SH3RF3: variants seen among roughly 807,000 people sequenced by gnomAD.
SH3RF3 encodes E3 ubiquitin-protein ligase SH3RF3.
Under a neutral mutation model 66.3 loss-of-function variants are expected in SH3RF3, and 29 were observed. The observed-to-expected ratio is 0.44, with a 90% CI of 0.33 to 0.60. The LOEUF is 0.60. SH3RF3 is among the 20% of genes least tolerant of loss of function. The pLI, the probability that SH3RF3 is intolerant of heterozygous loss-of-function variation, is 0.04. For synonymous variants in SH3RF3, 583 were observed against 532.0 expected (o/e 1.10, Z -1.32); for missense variants, 1,194 against 1,190.9 (o/e 1.00, Z -0.04).
intron 7 of SH3RF3, among the ~76,000 whole-genome samples, chr2:109,442,846 C>T (rs1268897996): frequency 6.6e-6 from 1 of 152,110 alleles, no homozygotes; most frequent in East Asian, 1.9e-4. Flanking sequence ...AGGTTTAAAC[C>T]TAATCATGTA....
intron 1 of SH3RF3, among the ~76,000 whole-genome samples, chr2:109,306,902 G>A (rs1377371294): frequency 1.3e-5 from 2 of 152,214 alleles, no homozygotes; most frequent in Admixed American, 1.3e-4. Flanking sequence ...GTACGGTAGG[G>A]CCGCGGCATG....
chr2:109,263,360 A>G (rs1470367224), intron 1 of SH3RF3, among the ~76,000 whole-genome samples: 2 of 152,142 alleles, frequency 1.3e-5, no homozygotes, highest in African/African-American at 2.4e-5. Flanking sequence ...CAGTTTTTGT[A>G]TATCTGGAAT....
chr2:109,430,674 C>T (rs1390769600), intron 5 of SH3RF3, among the ~76,000 whole-genome samples: 4 of 152,152 alleles, frequency 2.6e-5, no homozygotes, highest in African/African-American at 9.6e-5. Context: ...GTGGTATTTC[C>T]TCTATGGTGA....
intron 1 of SH3RF3, among the ~76,000 whole-genome samples, chr2:109,154,385 C>T (rs1314245684): frequency 6.6e-6 from 1 of 152,174 alleles, no homozygotes; most frequent in Non-Finnish European, 1.5e-5. Context: ...TACAGATACA[C>T]AGAAGGCCCC....
chr2:109,259,277 C>T lies in SH3RF3; in HGVS notation c.574-88397C>T, dbSNP rs574093865. Among the ~76,000 whole-genome samples the T allele has an allele frequency of 1.7e-4, 26 of 152,300 alleles. No homozygotes were observed. In the South Asian group the frequency reaches 5.4e-3, roughly 32 times the overall value. ...CCCAGACCTGCAGCTGCTGCTGGCTCCTGAACAACTGGCTCTGAGTGTGCA... is the reference window on the plus strand; with the variant it reads ...CCCAGACCTGCAGCTGCTGCTGGCTTCTGAACAACTGGCTCTGAGTGTGCA... On this transcript the variant is annotated intron_variant, in intron 1 of 9. Transcript: ENST00000309415.
At chr2:109,371,819 C>A in intron 3 of SH3RF3, 138 bp downstream of exon 3, 1 of 739,010 alleles carries the variant, frequency 1.4e-6, no homozygotes. Flanking sequence ...CAGAGAGCTG[C>A]TATGTGTGGG....
intron 1 of SH3RF3, among the ~76,000 whole-genome samples, chr2:109,265,279 C>G (rs565254068): frequency 1.3e-5 from 2 of 152,100 alleles, no homozygotes; most frequent in Non-Finnish European, 2.9e-5. Context: ...GAGGGCAGCT[C>G]GTGGGCTGTG....
chr2:109,226,417 A>G (rs1679374839), intron 1 of SH3RF3, among the ~76,000 whole-genome samples: 1 of 152,172 alleles, frequency 6.6e-6, no homozygotes, highest in Admixed American at 6.5e-5. Context: ...GAGCCATGTG[A>G]GGTCTAATGA....
chr2:109,485,434 A>G lies in SH3RF3; in HGVS notation c.2149-5171A>G, dbSNP rs572952583. 3.3e-5 allele frequency among the ~76,000 whole-genome samples: 5 copies of G among 152,292 alleles called. No homozygotes were observed. In the South Asian group the frequency reaches 1.0e-3, roughly 32 times the overall value. On this transcript the variant is annotated intron_variant, in intron 8 of 9. Coordinates refer to ENST00000309415, the MANE Select transcript of SH3RF3 (RefSeq NM_001099289.3). Reference sequence around the variant, plus strand: ...CAGAGACAATTTTCCATAACTTTTAATTGACCTTTAACTGGCACTGAATCT... The same window carrying G: ...CAGAGACAATTTTCCATAACTTTTAGTTGACCTTTAACTGGCACTGAATCT...
chr2:109,464,767 C>T (rs1262274232), intron 8 of SH3RF3, among the ~76,000 whole-genome samples: 1 of 152,186 alleles, frequency 6.6e-6, no homozygotes, highest in Non-Finnish European at 1.5e-5. Flanking sequence ...TATCAATGGC[C>T]TACACCAAAG....
chr2:109,403,131 A>C (rs998174203), intron 4 of SH3RF3, among the ~76,000 whole-genome samples: 1 of 152,182 alleles, frequency 6.6e-6, no homozygotes, highest in African/African-American at 2.4e-5. Flanking sequence ...TGTGGTTTCT[A>C]TAGAAATGCG....
At chr2:109,460,154 G>A (rs1274152539) in intron 8 of SH3RF3, among the ~76,000 whole-genome samples, 1 of 152,244 alleles carries the variant, frequency 6.6e-6, no homozygotes, top group East Asian at 1.9e-4. Context: ...TCAGTCAGAA[G>A]CAGTGCTGTG....
intron 4 of SH3RF3, among the ~76,000 whole-genome samples, chr2:109,411,624 C>A (rs1364107056): frequency 6.6e-6 from 1 of 152,192 alleles, no homozygotes; most frequent in African/African-American, 2.4e-5. Flanking sequence ...GTTTTCATAT[C>A]CCTGAGGGCA....
At chr2:109,153,740 T>G (rs1271486442) in intron 1 of SH3RF3, among the ~76,000 whole-genome samples, 2 of 152,242 alleles carry the variant, frequency 1.3e-5, no homozygotes, top group Non-Finnish European at 2.9e-5. Context: ...TGTGCTGAGC[T>G]GGGTTCTGGT....
At chr2:109,219,567 CAG>C (rs1382276150) in intron 1 of SH3RF3, among the ~76,000 whole-genome samples, 1 of 152,054 alleles carries the variant, frequency 6.6e-6, no homozygotes, top group Non-Finnish European at 1.5e-5. Context: ...AAGGAGTTCT[CAG>C]AGTTTTCAGA....
intron 1 of SH3RF3, among the ~76,000 whole-genome samples, chr2:109,269,354 C>T (rs1358778490): frequency 6.6e-6 from 1 of 152,196 alleles, no homozygotes; most frequent in East Asian, 1.9e-4. Context: ...CAGAGGGAGC[C>T]TCCCCACACA....
chr2:109,277,054 G>A (rs1204663799), intron 1 of SH3RF3, among the ~76,000 whole-genome samples: 1 of 152,210 alleles, frequency 6.6e-6, no homozygotes, highest in Non-Finnish European at 1.5e-5. Flanking sequence ...ACCATGCTCT[G>A]TGCTGGGATA....
chr2:109,257,374 GGGAGGGAGAGGAAGGGAA>G (rs1291188487), intron 1 of SH3RF3, among the ~76,000 whole-genome samples: 14 of 151,726 alleles, frequency 9.2e-5, no homozygotes, highest in Middle Eastern at 3.4e-3. Context: ...AGGAGAGGGA[GGGAGGGAGAGGAAGGGAA>G]GGAGGGAGAG....
At chr2:109,211,652 T>C (rs1171471004) in intron 1 of SH3RF3, among the ~76,000 whole-genome samples, 2 of 151,000 alleles carry the variant, frequency 1.3e-5, no homozygotes, top group Non-Finnish European at 3.0e-5. Context: ...TTCTTTCTTT[T>C]TTTTTTTTTT....
Sources: gnomAD v4.1 joint callset for allele counts (sites outside exome capture counted in the v4.1 genomes callset) on GRCh38, gnomAD v4.1.1 for gene constraint, MANE v1.5 for transcripts, NCBI Gene and HGNC (gene_info 2026-07-23, HGNC 2026-07-21) for gene names.